Variants in ARAP1 observed in about 807,000 individuals in gnomAD.
ARAP1 encodes arf-GAP with Rho-GAP domain, ANK repeat and PH domain-containing protein 1.
A neutral mutation model predicts 172.2 loss-of-function variants in ARAP1; 76 were observed. The ratio of observed to expected loss-of-function variants is 0.44; its 90% confidence interval spans 0.37 to 0.53. ARAP1 has a LOEUF of 0.53. Among genes scored for constraint, ARAP1 ranks in the 20% least tolerant of loss-of-function variants. ARAP1 has a pLI of 0.00. For missense variants in ARAP1, 1,686 were observed against 1,977.5 expected, an observed-to-expected ratio of 0.85 and a Z score of 2.80; for synonymous variants, 804 against 803.3, an observed-to-expected ratio of 1.00 and a Z score of -0.01.
intron 5 of ARAP1, 175 bp downstream of exon 5, chr11:72,713,001 C>T (rs559271790): frequency 9.3e-5 from 64 of 687,392 alleles, no homozygotes; most frequent in Admixed American, 4.6e-4. Context: ...TGGCCCAGAG[C>T]GCTGTGGCTA....
chr11:72,693,617 G>A lies in ARAP1; in HGVS notation c.3808+75C>T, dbSNP rs1856037172. 1.3e-6 allele frequency: 2 copies of A among 1,531,094 alleles called. No individual in the cohort carries two copies. Among genetic ancestry groups the A allele is most frequent in the Admixed American group, 1.9e-5 (1 of 51,458 alleles). 94.8% of individuals were successfully genotyped at this position (1,531,094 alleles called of 1,614,324 possible). On this transcript the variant is annotated intron_variant, in intron 28 of 34. Coordinates refer to ENST00000393609, the MANE Select transcript of ARAP1 (RefSeq NM_001040118.3). The surrounding 1 kb of genome is among the most constrained non-coding windows in gnomAD (Gnocchi z 4.6). The stretch of plus-strand genomic sequence containing the variant: ...CCCTCTGTCTGAGCTGTTCCTACCT[G>A]GCACCACCAGGTCCCACCCTGGCTC...
At chr11:72,750,754 GGCCC>G (rs1404321645) in intron 1 of ARAP1, among the ~76,000 whole-genome samples, 1 of 148,548 alleles carries the variant, frequency 6.7e-6, no homozygotes, top group Non-Finnish European at 1.5e-5. Context: ...AAGGACTCGG[GGCCC>G]CAGGTCCCAT....
At chr11:72,711,894 G>A (rs369081776) in intron 7 of ARAP1, among the ~76,000 whole-genome samples, 2 of 151,928 alleles carry the variant, frequency 1.3e-5, no homozygotes, top group Admixed American at 6.5e-5. Flanking sequence ...ACGAGGTCTC[G>A]CCATGTTGCC....
intron 33 of ARAP1, 92 bp from the exon 34 acceptor site, chr11:72,686,283 G>C: frequency 1.4e-6 from 2 of 1,478,720 alleles, no homozygotes; most frequent in Non-Finnish European, 9.1e-7. Flanking sequence ...AATGCCTCCA[G>C]CTGTGGTCTG....
At chr11:72,715,086 A>G (rs1857215342) in intron 3 of ARAP1, among the ~76,000 whole-genome samples, 1 of 152,234 alleles carries the variant, frequency 6.6e-6, no homozygotes, top group African/African-American at 2.4e-5. Flanking sequence ...CATCAAGGAC[A>G]TGAATTTGAA....
Position 72,699,493 on chromosome 11 carries a change from G to A in ARAP1, c.2362C>T (p.Arg788Trp), listed in dbSNP as rs370139956. ...ATCTCTCCATTGGGGGTCACTGCCC[G>A]CTCATTCTCAAAGTAGCTCAGGACC... ...DGVLSYFENE[R>W]AVTPNGEIRA... Residue 788 changes from arginine (R) to tryptophan (W), a missense_variant, in exon 17 of 35, where the codon CGG becomes TGG. Transcript: ENST00000393609. The surrounding 1 kb of genome is among the most constrained non-coding windows in gnomAD (Gnocchi z 4.2). 9.8e-5 allele frequency: 158 copies of A among 1,613,746 alleles called. No homozygotes were observed. Among genetic ancestry groups the A allele is most frequent in the Non-Finnish European group, 1.3e-4 (154 of 1,179,956 alleles).
At chr11:72,696,929 G>T in intron 22 of ARAP1, 54 bp downstream of exon 22, 3 of 1,545,578 alleles carry the variant, frequency 1.9e-6, no homozygotes, top group Non-Finnish European at 2.6e-6. Context: ...GGGCGCAGGA[G>T]TCCGGAGGGA....
chr11:72,751,355 G>C (rs1858526155), intron 1 of ARAP1, among the ~76,000 whole-genome samples: 2 of 152,070 alleles, frequency 1.3e-5, no homozygotes, highest in Non-Finnish European at 2.9e-5. Context: ...CCTTATCCTT[G>C]TAAATTGCCA....
At position 72,697,011 on chromosome 11, in the gene ARAP1, G is replaced by C; in HGVS notation, c.3138C>G (p.Ala1046=). ...AGGCCTCCAGCCAGGTTAGGCGCTGGGCGCGAGTGAAGAGCCCATCAGGCA... is the reference window on the plus strand; with the variant it reads ...AGGCCTCCAGCCAGGTTAGGCGCTGCGCGCGAGTGAAGAGCCCATCAGGCA... ...RDLPDGLFTR[A]QRLTWLEASE... is the part of the protein sequence containing the mutation. The change falls in exon 22 of 35, where the codon GCC becomes GCG. Residue 1046 remains alanine, a synonymous_variant. Transcript: ENST00000393609. 6.2e-7 allele frequency: 1 copy of C among 1,608,162 alleles called. No homozygotes were observed. Among genetic ancestry groups the C allele is most frequent in the Non-Finnish European group, 8.5e-7 (1 of 1,179,838 alleles).
intron 1 of ARAP1, among the ~76,000 whole-genome samples, chr11:72,737,137 T>C (rs1450209890): frequency 6.6e-6 from 1 of 152,174 alleles, no homozygotes; most frequent in Non-Finnish European, 1.5e-5. Context: ...GTTGCTTGTT[T>C]TGTGGGGGTC....
intron 1 of ARAP1, among the ~76,000 whole-genome samples, chr11:72,735,652 C>A (rs968206759): frequency 6.6e-6 from 1 of 152,140 alleles, no homozygotes; most frequent in South Asian, 2.1e-4. Flanking sequence ...CTGTACTAAG[C>A]GTTTAACACA....
In ARAP1 at chr11:72,698,998, G is replaced by A; in HGVS notation, c.2541+7C>T. 1.2e-6 allele frequency: 2 copies of A among 1,614,064 alleles called. No individual in the cohort carries two copies. Among genetic ancestry groups the A allele is most frequent in the Non-Finnish European group, 1.7e-6 (2 of 1,179,980 alleles). ...CCCTTACACCCACCCTGCTACCCCA[G>A]GCTCACCTTAGCAATACACTTGACC... On this transcript the variant is annotated splice_region_variant and intron_variant, in intron 18 of 34. Transcript: ENST00000393609.
intron 1 of ARAP1, among the ~76,000 whole-genome samples, chr11:72,739,691 T>G (rs1858144224): frequency 6.6e-6 from 1 of 152,198 alleles, no homozygotes; most frequent in African/African-American, 2.4e-5. Context: ...CCACCGCATG[T>G]GTACTGGAGG....
intron 1 of ARAP1, among the ~76,000 whole-genome samples, chr11:72,747,836 C>G (rs928309939): frequency 2.0e-5 from 3 of 152,212 alleles, no homozygotes; most frequent in African/African-American, 7.2e-5. Flanking sequence ...CCCCTGTACC[C>G]TTGAGGGCAC....
In ARAP1 at chr11:72,726,895, G is replaced by A. The variant is rs1437704071; in HGVS notation, c.234C>T (p.Thr78=). ...GGCGCTTCATGGGCACAGGCCGTGG[G>A]GTGGGGCGGGGTGCAGGGGCCGGTG... ...HTSPAPAPRP[T]PRPVPMKRHI... The change falls in exon 3 of 35, where the codon ACC becomes ACT. Residue 78 remains threonine, a synonymous_variant. Coordinates refer to ENST00000393609, the MANE Select transcript of ARAP1 (RefSeq NM_001040118.3). The surrounding 1 kb of genome is among the most constrained non-coding windows in gnomAD (Gnocchi z 6.5). 6.3e-7 allele frequency: 1 copy of A among 1,582,608 alleles called. No homozygotes were observed. The highest frequency in any genetic ancestry group is 8.6e-7 in the Non-Finnish European group (1 of 1,164,282).
chr11:72,696,959 C>T (rs903190504), intron 22 of ARAP1, 24 bp downstream of exon 22: 51 of 1,591,140 alleles, frequency 3.2e-5, no homozygotes, highest in East Asian at 2.2e-4. Flanking sequence ...GAGGAGGAGG[C>T]TGGGCACGGG....
At chr11:72,738,763 C>T (rs1858112579) in intron 1 of ARAP1, among the ~76,000 whole-genome samples, 1 of 152,096 alleles carries the variant, frequency 6.6e-6, no homozygotes, top group African/African-American at 2.4e-5. Flanking sequence ...CAAATGCACA[C>T]CTCACACTAC....
Position 72,688,531 on chromosome 11 carries a change from G to A in ARAP1, c.3994C>T (p.Arg1332Trp), listed in dbSNP as rs201834070. 1.2e-5 allele frequency: 19 copies of A among 1,611,320 alleles called. No individual in the cohort carries two copies. Among genetic ancestry groups the A allele is most frequent in the Middle Eastern group, 1.6e-4 (1 of 6,082 alleles). ...TTAATAGGCCACTCCTTCTCAGGCC[G>A]GTGACTCTGAGGTAGGGCAAGGAGA... Reference protein sequence around the residue: ...PWSGAPETSHRPEKEWPIKSL... With the variant: ...PWSGAPETSHWPEKEWPIKSL... The change falls in exon 31 of 35, where the codon CGG (arginine) becomes TGG (tryptophan). Residue 1332 changes from arginine (R) to tryptophan (W), a missense_variant. Transcript: ENST00000393609.
intron 23 of ARAP1, among the ~76,000 whole-genome samples, chr11:72,696,237 G>C (rs1856185524): frequency 6.6e-6 from 1 of 152,172 alleles, no homozygotes; most frequent in African/African-American, 2.4e-5. Flanking sequence ...GTTCACAATA[G>C]AGTTCCGATC....
Sources: allele counts gnomAD v4.1 joint callset (sites outside exome capture counted in the v4.1 genomes callset), GRCh38; gene constraint gnomAD v4.1.1; non-coding constraint Gnocchi (gnomAD v3.1); transcripts MANE v1.5; gene names NCBI Gene and HGNC (gene_info 2026-07-23, HGNC 2026-07-21).